Variants in EYS observed in about 807,000 individuals in gnomAD.
EYS encodes protein eyes shut homolog.
Under a neutral mutation model 282.1 loss-of-function variants are expected in EYS, and 250 were observed. The observed-to-expected ratio is 0.89, with a 90% CI of 0.80 to 0.98. EYS has a LOEUF of 0.98. Ranked by LOEUF, EYS falls within the 50% of genes least tolerant of loss-of-function variation. The probability of loss-of-function intolerance (pLI) is 0.00; values close to 1 mark genes in which losing one functional copy is unlikely to be tolerated. For missense variants in EYS, 4,016 were observed against 3,709.0 expected (o/e 1.08, Z -2.15); for synonymous variants, 1,355 against 1,282.9 (o/e 1.06, Z -1.20).
intron 12 of EYS, among the ~76,000 whole-genome samples, chr6:65,285,508 A>T (rs13201014): frequency 1.4e-4 from 22 of 151,922 alleles, no homozygotes; most frequent in African/African-American, 4.8e-4. Flanking sequence ...TATAGATTAG[A>T]AATCTTTTAA....
chr6:65,299,599 T>C (rs1768759950), intron 11 of EYS, among the ~76,000 whole-genome samples: 1 of 134,716 alleles, frequency 7.4e-6, no homozygotes, highest in South Asian at 2.8e-4. Context: ...TATATTTTCA[T>C]CAAATACTAT....
chr6:65,707,054 C>A (rs559068348), intron 1 of EYS, 81 bp downstream of exon 1: 1 of 151,820 alleles, frequency 6.6e-6, no homozygotes, highest in African/African-American at 2.4e-5. Flanking sequence ...AATTAGAGAT[C>A]TTTGTAGTTG....
chr6:63,918,260 A>T (rs1163397713), intron 35 of EYS, among the ~76,000 whole-genome samples: 1 of 152,258 alleles, frequency 6.6e-6, no homozygotes, highest in Non-Finnish European at 1.5e-5. Context: ...GATAAGCAGC[A>T]TTACTGAAAT....
At chr6:63,729,149 T>A (rs1768715123) in intron 41 of EYS, among the ~76,000 whole-genome samples, 1 of 152,172 alleles carries the variant, frequency 6.6e-6, no homozygotes, top group Non-Finnish European at 1.5e-5. Flanking sequence ...GTTTAGATAT[T>A]TTGCCCATTT....
In EYS at chr6:64,183,955, C is replaced by T. The variant is rs77507936; in HGVS notation, c.6424+46637G>A. Among the ~76,000 whole-genome samples the T allele has an allele frequency of 6.1e-3, 926 of 152,010 alleles. 15 individuals carry two copies. Among genetic ancestry groups the T allele is most frequent in the Middle Eastern group, 0.034 (10 of 294 alleles). On this transcript the variant is annotated intron_variant, in intron 31 of 42. Coordinates refer to ENST00000503581, the MANE Select transcript of EYS (RefSeq NM_001142800.2). Reference sequence around the variant, plus strand: ...CAATTTTAAATTTCAATTTCTTGAGCTTTATACATGTTAGTTGTAAGCAAA... The same window carrying T: ...CAATTTTAAATTTCAATTTCTTGAGTTTTATACATGTTAGTTGTAAGCAAA...
chr6:64,686,537 C>T (rs950476538), intron 22 of EYS, among the ~76,000 whole-genome samples: 1 of 150,566 alleles, frequency 6.6e-6, no homozygotes, highest in African/African-American at 2.4e-5. Flanking sequence ...GTCAGGAGAT[C>T]GAGACCATCC....
intron 22 of EYS, among the ~76,000 whole-genome samples, chr6:64,789,005 C>A (rs1314679630): frequency 2.0e-5 from 3 of 152,098 alleles, no homozygotes. Flanking sequence ...GCACCCCCAT[C>A]CAGTTATTCA....
intron 22 of EYS, among the ~76,000 whole-genome samples, chr6:64,645,413 C>T (rs891849257): frequency 5.9e-5 from 9 of 152,320 alleles, no homozygotes; most frequent in Non-Finnish European, 1.3e-4. Context: ...CTGAAATTGA[C>T]TTCATGGGAA....
intron 13 of EYS, among the ~76,000 whole-genome samples, chr6:65,035,414 T>G (rs1772736327): frequency 6.6e-6 from 1 of 151,988 alleles, no homozygotes; most frequent in Non-Finnish European, 1.5e-5. Flanking sequence ...CACCATGATA[T>G]GATTGTATAT....
intron 33 of EYS, among the ~76,000 whole-genome samples, chr6:64,038,753 A>T (rs941311426): frequency 4.0e-5 from 6 of 151,128 alleles, no homozygotes; most frequent in African/African-American, 1.5e-4. Flanking sequence ...TAAGTGGTTT[A>T]TTTACTTTAT....
Position 63,721,686 on chromosome 6 carries a change from G to A in EYS, c.8345C>T (p.Thr2782Ile), listed in dbSNP as rs2149625486. Reference sequence around the variant, plus strand: ...TCTTCCTGCTTTTATTATATGCCAAGTACTTCCGTTTATAGTTACTTTTTG... The same window carrying A: ...TCTTCCTGCTTTTATTATATGCCAAATACTTCCGTTTATAGTTACTTTTTG... ...TLQKVTINGS[T>I]WHIIKAGRVG... Residue 2782 changes from threonine to isoleucine, a missense_variant, in exon 43 of 43, where the codon ACT becomes ATT. Physicochemically the swap from Thr to Ile is moderately conservative, Grantham distance 89. Coordinates refer to ENST00000503581, the MANE Select transcript of EYS (RefSeq NM_001142800.2). The A allele has an allele frequency of 1.9e-6, 3 of 1,551,340 alleles. No individual in the cohort carries two copies. Among genetic ancestry groups the A allele is most frequent in the South Asian group, 1.2e-5 (1 of 84,058 alleles).
chr6:64,527,582 T>C (rs1419889623), intron 26 of EYS, among the ~76,000 whole-genome samples: 1 of 151,822 alleles, frequency 6.6e-6, no homozygotes, highest in East Asian at 1.9e-4. Flanking sequence ...CAAAGCAATG[T>C]TTTTGAACTA....
intron 14 of EYS, among the ~76,000 whole-genome samples, chr6:64,973,969 AT>A (rs1268520800): frequency 6.6e-6 from 1 of 151,928 alleles, no homozygotes; most frequent in African/African-American, 2.4e-5. Flanking sequence ...GAAGTTTTAA[AT>A]AACTTAAATA....
chr6:64,293,382 T>C (rs886280843), intron 30 of EYS, among the ~76,000 whole-genome samples: 2 of 152,114 alleles, frequency 1.3e-5, no homozygotes, highest in Non-Finnish European at 1.5e-5. Context: ...TATTTTGAGA[T>C]GATATGTGGG....
chr6:64,083,958 T>C (rs1295889906), intron 31 of EYS, among the ~76,000 whole-genome samples: 1 of 152,064 alleles, frequency 6.6e-6, no homozygotes, highest in East Asian at 1.9e-4. Context: ...GGCTGCTCTC[T>C]AACTCCTGAC....
chr6:64,635,057 T>A (rs1485262393), intron 22 of EYS, among the ~76,000 whole-genome samples: 2 of 151,906 alleles, frequency 1.3e-5, no homozygotes, highest in Admixed American at 1.3e-4. Context: ...TAAGTTGGAT[T>A]CCTAGGTATT....
intron 35 of EYS, among the ~76,000 whole-genome samples, chr6:63,913,020 T>G (rs1228953999): frequency 6.6e-6 from 1 of 152,232 alleles, no homozygotes; most frequent in African/African-American, 2.4e-5. Context: ...GTTCTAGATA[T>G]TTAACTCTTT....
chr6:64,203,260 G>C (rs187885185), intron 31 of EYS, among the ~76,000 whole-genome samples: 1 of 152,170 alleles, frequency 6.6e-6, no homozygotes, highest in African/African-American at 2.4e-5. Context: ...GTGTCTGAAA[G>C]GGCCTGATTT....
intron 12 of EYS, among the ~76,000 whole-genome samples, chr6:65,179,720 T>C (rs2150232406): frequency 6.6e-6 from 1 of 152,140 alleles, no homozygotes; most frequent in Non-Finnish European, 1.5e-5. Flanking sequence ...GCCAGTATCA[T>C]CCTGATACCA....
Sources: allele counts gnomAD v4.1 joint callset (sites outside exome capture counted in the v4.1 genomes callset), GRCh38; gene constraint gnomAD v4.1.1; transcripts MANE v1.5; gene names NCBI Gene and HGNC (gene_info 2026-07-23, HGNC 2026-07-21).